Variants in SLC16A14 observed in about 807,000 individuals in gnomAD.
SLC16A14 encodes the protein solute carrier family 16 member 14.
Under a neutral mutation model 35.8 loss-of-function variants are expected in SLC16A14, and 14 were observed. The ratio of observed to expected loss-of-function variants is 0.39; its 90% CI spans 0.26 to 0.61. The LOEUF is 0.61. Ranked by LOEUF, SLC16A14 falls within the 20% of genes least tolerant of loss-of-function variation. The pLI is 0.51. For missense variants in SLC16A14, 533 were observed against 655.0 expected (o/e 0.81, Z 2.03); for synonymous variants, 248 against 258.9 (o/e 0.96, Z 0.40).
At position 230,049,754 on chromosome 2, in the gene SLC16A14, T is replaced by G. The variant is rs759604262; in HGVS notation, c.403+7A>C. The G allele has an allele frequency of 6.2e-7, 1 of 1,611,864 alleles. No individual in the cohort carries two copies. The highest frequency in any genetic ancestry group is 8.5e-7 in the Non-Finnish European group (1 of 1,178,334). ...AAAATCGAGTTTAAAAAAAGCCACA[T>G]GCTTACCAGCTGCGACTCCAAAAGT... On this transcript the variant is annotated splice_region_variant and intron_variant, in intron 3 of 4. Coordinates refer to ENST00000295190, the MANE Select transcript of SLC16A14 (RefSeq NM_152527.5).
chr2:230,048,716 G>A (rs1400233424), intron 3 of SLC16A14, among the ~76,000 whole-genome samples: 1 of 152,038 alleles, frequency 6.6e-6, no homozygotes, highest in Non-Finnish European at 1.5e-5. Flanking sequence ...CTGAGGTTGG[G>A]AGTTCGAGAC....
chr2:230,037,707 A>G (rs1275082150), intron 4 of SLC16A14, among the ~76,000 whole-genome samples, 176 bp from the exon 5 acceptor site: 1 of 144,630 alleles, frequency 6.9e-6, no homozygotes, highest in Non-Finnish European at 1.5e-5. Flanking sequence ...TGTTTTTTAT[A>G]TTTTTTGGTT....
At chr2:230,039,069 G>A (rs2077539679) in intron 4 of SLC16A14, among the ~76,000 whole-genome samples, 1 of 151,612 alleles carries the variant, frequency 6.6e-6, no homozygotes, top group South Asian at 2.1e-4. Context: ...AACCAGGAAA[G>A]GTGTAAACCA....
At chr2:230,052,125 C>T (rs905672442) in intron 2 of SLC16A14, among the ~76,000 whole-genome samples, 16 of 151,986 alleles carry the variant, frequency 1.1e-4, no homozygotes, top group Non-Finnish European at 2.4e-4. Flanking sequence ...TTAGTAGAGA[C>T]GGGGTTTCAC....
intron 3 of SLC16A14, among the ~76,000 whole-genome samples, chr2:230,049,452 G>A (rs1371380979): frequency 1.3e-5 from 2 of 152,022 alleles, no homozygotes; most frequent in Admixed American, 6.6e-5. Context: ...CTAAGTCAAC[G>A]TTACTGCCTT....
chr2:230,046,584 T>C lies in SLC16A14; in HGVS notation c.542A>G (p.Tyr181Cys). ...GTFLMTVLLK[Y>C]LCAEYGWRNA... ...CCTCCAGCCGTACTCTGCGCACAGG[T>C]ACTTCAGCAGCACAGTCATTAGGAA... The change falls in exon 4 of 5, where the codon TAC becomes TGC. Residue 181 changes from tyrosine to cysteine, a missense_variant. Physicochemically the swap from Tyr to Cys is radical, Grantham distance 194 (BLOSUM62 -2). Transcript: ENST00000295190. The surrounding 1 kb of genome is among the most constrained non-coding windows in gnomAD (Gnocchi z 5.0). 4 of 1,614,074 alleles carry C rather than the reference T, an allele frequency of 2.5e-6. No individual in the cohort carries two copies. The highest frequency in any genetic ancestry group is 3.4e-6 in the Non-Finnish European group (4 of 1,180,036).
chr2:230,063,622 T>C lies in SLC16A14; in HGVS notation c.-14-4256A>G, dbSNP rs2077768689. ...CACTTTAGCGTGACCCTGTACATTT[T>C]CAAAGAGCCCTAGACAGCTTTATTT... is the stretch of plus-strand genomic sequence containing the variant. On this transcript the variant is annotated intron_variant, in intron 1 of 4. Coordinates refer to ENST00000295190, the MANE Select transcript of SLC16A14 (RefSeq NM_152527.5). 2.0e-5 allele frequency among the ~76,000 whole-genome samples: 3 copies of C among 152,248 alleles called. No individual in the cohort carries two copies. The South Asian group carries it at 6.2e-4, about 32-fold the overall frequency.
chr2:230,044,246 G>A (rs532840364), intron 4 of SLC16A14, among the ~76,000 whole-genome samples: 1 of 151,648 alleles, frequency 6.6e-6, no homozygotes, highest in African/African-American at 2.4e-5. Context: ...GGCCGAGGCA[G>A]GAGGGATCAC....
chr2:230,043,657 C>T (rs917189159), intron 4 of SLC16A14, among the ~76,000 whole-genome samples: 2 of 152,250 alleles, frequency 1.3e-5, no homozygotes, highest in African/African-American at 4.8e-5. Context: ...CTGACAATCA[C>T]CACCAGCCCT....
chr2:230,042,897 C>T (rs762929281), intron 4 of SLC16A14, among the ~76,000 whole-genome samples: 3 of 152,166 alleles, frequency 2.0e-5, no homozygotes, highest in Admixed American at 6.5e-5. Context: ...GCTGGAGATA[C>T]AGCAACCATT....
At position 230,043,101 on chromosome 2, in the gene SLC16A14, A is replaced by G. The variant is rs145537156; in HGVS notation, c.1381+2644T>C. On this transcript the variant is annotated intron_variant, in intron 4 of 4. Transcript: ENST00000295190. The stretch of plus-strand genomic sequence containing the variant: ...ATTTTACATAATGAGATCAGTGAGC[A>G]ATTTTAGACCTTTCAGCTGCCAGTA... Among the ~76,000 whole-genome samples, 253 of 152,348 alleles carry G rather than the reference A, an allele frequency of 1.7e-3. 2 individuals are homozygous for G. Among genetic ancestry groups the G allele is most frequent in the African/African-American group, 5.6e-3 (233 of 41,574 alleles).
rs553479038 is a variant in SLC16A14, at chr2:230,061,900, C to T, written c.-14-2534G>A. On this transcript the variant is annotated intron_variant, in intron 1 of 4. Coordinates refer to ENST00000295190, the MANE Select transcript of SLC16A14 (RefSeq NM_152527.5). ...GGGACTACAGGCATGTGCCACCACA[C>T]CTGGCTAATTTTTGTATTTTTATTA... 2.0e-5 allele frequency among the ~76,000 whole-genome samples: 3 copies of T among 151,924 alleles called. No homozygotes were observed. The South Asian group carries it at 6.2e-4, about 32-fold the overall frequency.
chr2:230,044,477 C>CA (rs34590061), intron 4 of SLC16A14, among the ~76,000 whole-genome samples: 111,767 of 134,476 alleles, frequency 0.83, 47,490 homozygotes, highest in East Asian at 0.98. Flanking sequence ...GATTCCGTCT[C>CA]AAAAAAAAAA....
At position 230,046,361 on chromosome 2, in the gene SLC16A14, G is replaced by A. The variant is rs1344889531; in HGVS notation, c.765C>T (p.Asn255=). The part of the protein sequence containing the change: ...RTEEKDGGLG[N]EETLCDLQAQ... Reference sequence around the variant, plus strand: ...CTTGCAGGTCGCAGAGGGTCTCCTCGTTCCCGAGCCCACCATCCTTCTCTT... The same window carrying A: ...CTTGCAGGTCGCAGAGGGTCTCCTCATTCCCGAGCCCACCATCCTTCTCTT... Residue 255 remains asparagine (N), a synonymous_variant, in exon 4 of 5, where the codon AAC becomes AAT. Transcript: ENST00000295190. The surrounding 1 kb of genome is among the most constrained non-coding windows in gnomAD (Gnocchi z 5.0). 1 of 1,614,050 alleles carries A rather than the reference G, an allele frequency of 6.2e-7. No individual in the cohort carries two copies. The highest frequency in any genetic ancestry group is 8.5e-7 in the Non-Finnish European group (1 of 1,180,052).
chr2:230,061,040 A>G (rs1306944030), intron 1 of SLC16A14, among the ~76,000 whole-genome samples: 2 of 152,226 alleles, frequency 1.3e-5, no homozygotes, highest in Admixed American at 6.5e-5. Flanking sequence ...ATTGCTGGGC[A>G]GTTCCAAAGG....
At position 230,037,278 on chromosome 2, in the gene SLC16A14, C is replaced by T. The variant is rs969359020; in HGVS notation, c.*102G>A. On this transcript the variant is annotated 3_prime_UTR_variant, in exon 5 of 5. Coordinates refer to ENST00000295190, the MANE Select transcript of SLC16A14 (RefSeq NM_152527.5). ...ATTTACAAATGACAGTGCCAGTTAC[C>T]GTACAAAATGCTTTCCCACGTCCTG... 1.5e-5 allele frequency: 16 copies of T among 1,082,978 alleles called. No homozygotes were observed. The highest frequency in any genetic ancestry group is 3.2e-5 in the African/African-American group (2 of 62,124). 67.1% of individuals were successfully genotyped at this position (1,082,978 alleles called of 1,614,324 possible). A position where few individuals can be genotyped will look rare whatever the true frequency, so the allele number is the denominator to read the frequency against.
chr2:230,039,011 C>A (rs529842412), intron 4 of SLC16A14, among the ~76,000 whole-genome samples: 1 of 151,996 alleles, frequency 6.6e-6, no homozygotes. Context: ...CAAATGAATG[C>A]GTAAATGCAC....
At chr2:230,062,934 C>T (rs2077762563) in intron 1 of SLC16A14, among the ~76,000 whole-genome samples, 2 of 152,210 alleles carry the variant, frequency 1.3e-5, no homozygotes, top group South Asian at 4.1e-4. Flanking sequence ...CTTCCTCCTT[C>T]ACACATCTGG....
At chr2:230,055,288 G>A (rs879774116) in intron 2 of SLC16A14, among the ~76,000 whole-genome samples, 2 of 152,178 alleles carry the variant, frequency 1.3e-5, no homozygotes, top group Admixed American at 6.5e-5. Context: ...CTGTTACTGC[G>A]CGTTTCTGGC....
Sources: allele counts gnomAD v4.1 joint callset (sites outside exome capture counted in the v4.1 genomes callset), GRCh38; gene constraint gnomAD v4.1.1; non-coding constraint Gnocchi (gnomAD v3.1); transcripts MANE v1.5; gene names NCBI Gene and HGNC (gene_info 2026-07-23, HGNC 2026-07-21).